The following TBC1D7 variants were observed in gnomAD, a reference collection of about 807,000 sequenced individuals.
TBC1D7 encodes TBC domain family 7.
In TBC1D7, 33 loss-of-function variants were observed where a neutral mutation model predicts 35.3. The ratio of observed to expected loss-of-function variants is 0.93; its 90% confidence interval spans 0.71 to 1.25. TBC1D7 has a LOEUF of 1.25. Among genes scored for constraint, TBC1D7 ranks in the 50% most tolerant of loss-of-function variants. The pLI, the probability that TBC1D7 is intolerant of heterozygous loss-of-function variation, is 0.00. For missense variants in TBC1D7, 362 were observed against 365.3 expected (o/e 0.99, Z 0.07); for synonymous variants, 135 against 129.5 (o/e 1.04, Z -0.29).
rs1024787502 is a variant in TBC1D7 at position 13,328,458 on chromosome 6, G to A, written c.-171C>T. ...GAAGGAGGGAGGCGGCGGGGTACCT[G>A]GGACACCCGCGCGCGCCCAGACGGC... On this transcript the variant is annotated 5_prime_UTR_variant, in exon 1 of 8. Coordinates refer to ENST00000379300, the MANE Select transcript of TBC1D7 (RefSeq NM_016495.6). 1.9e-5 allele frequency: 3 copies of A among 154,312 alleles called. No individual in the cohort carries two copies. The highest frequency in any genetic ancestry group is 2.4e-5 in the African/African-American group (1 of 41,546). The allele number at this position is 154,312 out of a possible 1,614,324, so 9.6% of individuals were successfully genotyped here. A position where few individuals can be genotyped will look rare whatever the true frequency, so the allele number is the denominator to read the frequency against.
At position 13,307,618 on chromosome 6, in the gene TBC1D7, G is replaced by C. The variant is rs1256992269; in HGVS notation, c.647C>G (p.Pro216Arg). ...WFKRCFAGCL[P>R]ESSLQRVWDK... ...TACTTGCCTCTGTAAACTGGATTCA[G>C]GCAAACATCCCGCAAAGCACCTCTT... Residue 216 changes from proline (P) to arginine (R), a missense_variant, in exon 6 of 8, where the codon CCT becomes CGT. By Grantham distance (103) the Pro-to-Arg change is moderately radical. Transcript: ENST00000379300. 6.2e-7 allele frequency: 1 copy of C among 1,614,126 alleles called. No homozygotes were observed. Among genetic ancestry groups the C allele is most frequent in the Non-Finnish European group, 8.5e-7 (1 of 1,180,026 alleles).
chr6:13,313,243 G>C (rs1220725147), intron 5 of TBC1D7, among the ~76,000 whole-genome samples: 1 of 151,546 alleles, frequency 6.6e-6, no homozygotes, highest in Non-Finnish European at 1.5e-5. Flanking sequence ...CTCTTACAAA[G>C]AAAAAAAGTC....
At chr6:13,312,699 A>AAG (rs1783311540) in intron 5 of TBC1D7, among the ~76,000 whole-genome samples, 1 of 151,528 alleles carries the variant, frequency 6.6e-6, no homozygotes, top group South Asian at 2.1e-4. Context: ...CTCAGAAAAA[A>AAG]AAAAAAAAAG....
rs772997883 is a variant in TBC1D7, at chr6:13,306,575, T to C, written c.666-48A>G. On this transcript the variant is annotated intron_variant, in intron 6 of 7. Coordinates refer to ENST00000379300, the MANE Select transcript of TBC1D7 (RefSeq NM_016495.6). ...TCAAATTATATGAGTTTCAGAATTATGTTTAGCCTAGACATCTCAAATTAC... is the reference window on the plus strand; with the variant it reads ...TCAAATTATATGAGTTTCAGAATTACGTTTAGCCTAGACATCTCAAATTAC... The C allele has an allele frequency of 4.8e-6, 7 of 1,445,326 alleles. No individual in the cohort carries two copies. In the Admixed American group the frequency reaches 9.8e-5, roughly 20 times the overall value. 89.5% of individuals were successfully genotyped at this position (1,445,326 alleles called of 1,614,324 possible). A position where few individuals can be genotyped will look rare whatever the true frequency, so the allele number is the denominator to read the frequency against.
intron 5 of TBC1D7, among the ~76,000 whole-genome samples, chr6:13,311,914 G>T (rs1345587842): frequency 1.3e-5 from 2 of 149,050 alleles, no homozygotes; most frequent in African/African-American, 2.5e-5. Context: ...GGAATAAAAA[G>T]GAGTCCAGAA....
chr6:13,317,959 T>C (rs924326421), intron 4 of TBC1D7: 2 of 152,272 alleles, frequency 1.3e-5, no homozygotes, highest in Non-Finnish European at 2.9e-5. Context: ...CTTTAAGAGG[T>C]GACTGGATCA....
chr6:13,322,131 C>T (rs1054362148), intron 3 of TBC1D7, among the ~76,000 whole-genome samples: 1 of 152,002 alleles, frequency 6.6e-6, no homozygotes, highest in African/African-American at 2.4e-5. Flanking sequence ...GTCCCAGCTA[C>T]CCGGGAGGCT....
At chr6:13,316,025 C>T (rs1783583064) in intron 5 of TBC1D7, among the ~76,000 whole-genome samples, 1 of 152,228 alleles carries the variant, frequency 6.6e-6, no homozygotes, top group African/African-American at 2.4e-5. Flanking sequence ...GACGTCATGG[C>T]CGCTGGTCCA....
At chr6:13,308,742 C>G (rs1782984247) in intron 5 of TBC1D7, among the ~76,000 whole-genome samples, 1 of 152,194 alleles carries the variant, frequency 6.6e-6, no homozygotes, top group Admixed American at 6.5e-5. Flanking sequence ...TTTACAATGT[C>G]CACTATAGTC....
intron 5 of TBC1D7, among the ~76,000 whole-genome samples, chr6:13,308,884 G>C (rs1260645519): frequency 1.3e-5 from 2 of 152,152 alleles, no homozygotes; most frequent in Non-Finnish European, 2.9e-5. Flanking sequence ...GCTATGATGG[G>C]AACAAGCACA....
intron 5 of TBC1D7, among the ~76,000 whole-genome samples, chr6:13,313,572 C>G (rs2127529970): frequency 6.6e-6 from 1 of 152,320 alleles, no homozygotes; most frequent in Non-Finnish European, 1.5e-5. Flanking sequence ...CGCATACACA[C>G]AGGGAGCCTG....
chr6:13,319,482 A>G (rs562241014), intron 4 of TBC1D7: 2 of 151,864 alleles, frequency 1.3e-5, no homozygotes, highest in Admixed American at 6.6e-5. Context: ...AAAAAAAAAA[A>G]AAAAAAGAAC....
chr6:13,318,030 G>A (rs538864534), intron 4 of TBC1D7: 2 of 152,828 alleles, frequency 1.3e-5, no homozygotes, highest in Admixed American at 6.5e-5. Flanking sequence ...ACAGGAACGG[G>A]ACTGGTGGCT....
chr6:13,315,447 T>A (rs1021973884), intron 5 of TBC1D7, among the ~76,000 whole-genome samples: 1 of 152,182 alleles, frequency 6.6e-6, no homozygotes, highest in Non-Finnish European at 1.5e-5. Flanking sequence ...GTGTGGTGGC[T>A]CATGCCTGTA....
chr6:13,305,259 G>T, intron 7 of TBC1D7, 72 bp from the exon 8 acceptor site: 1 of 1,423,730 alleles, frequency 7.0e-7, no homozygotes, highest in Non-Finnish European at 9.9e-7. Flanking sequence ...CATTCGCTGT[G>T]GCATGAAATC....
chr6:13,322,951 A>G (rs1784146069), intron 3 of TBC1D7, among the ~76,000 whole-genome samples: 1 of 152,202 alleles, frequency 6.6e-6, no homozygotes, highest in Non-Finnish European at 1.5e-5. Flanking sequence ...TGAAGTAAAG[A>G]TCCCTAAGTA....
At chr6:13,314,255 A>T (rs995960867) in intron 5 of TBC1D7, among the ~76,000 whole-genome samples, 4 of 152,098 alleles carry the variant, frequency 2.6e-5, no homozygotes, top group African/African-American at 9.7e-5. Context: ...CATGCACATA[A>T]GAGAATCTTG....
intron 4 of TBC1D7, among the ~76,000 whole-genome samples, chr6:13,317,602 G>A (rs549424042): frequency 6.6e-6 from 1 of 152,298 alleles, no homozygotes; most frequent in East Asian, 1.9e-4. Context: ...TAGGGAATAA[G>A]TTTTCTCAAA....
intron 5 of TBC1D7, among the ~76,000 whole-genome samples, chr6:13,310,753 T>A (rs754432778): frequency 6.6e-6 from 1 of 151,834 alleles, no homozygotes; most frequent in South Asian, 2.1e-4. Context: ...CTCCAGTACA[T>A]AGCAAGTAAA....
Sources: gnomAD v4.1 joint callset for allele counts (sites outside exome capture counted in the v4.1 genomes callset) on GRCh38, gnomAD v4.1.1 for gene constraint, MANE v1.5 for transcripts, NCBI Gene and HGNC (gene_info 2026-07-23, HGNC 2026-07-21) for gene names.